VPS13B: variants seen among roughly 807,000 people sequenced by gnomAD.
VPS13B encodes vacuolar protein sorting 13 homolog B, also known as intermembrane lipid transfer protein VPS13B.
VPS13B carries 285 observed loss-of-function variants against 426.4 expected under a neutral mutation model. That is an observed-to-expected ratio of 0.67 (90% CI 0.61 to 0.74). The LOEUF (loss-of-function observed/expected upper bound fraction) is 0.74, where lower values mean the gene tolerates loss of function less well. Ranked by LOEUF, VPS13B falls within the 30% of genes least tolerant of loss-of-function variation. The probability of loss-of-function intolerance (pLI) is 0.00; values close to 1 mark genes in which losing one functional copy is unlikely to be tolerated. For missense variants in VPS13B, 4,537 were observed against 4,782.6 expected, an observed-to-expected ratio of 0.95 and a Z score of 1.51; for synonymous variants, 1,676 against 1,676.4, an observed-to-expected ratio of 1.00 and a Z score of 0.01.
chr8:99,405,063 C>T (rs1815250941), intron 21 of VPS13B, among the ~76,000 whole-genome samples: 1 of 152,082 alleles, frequency 6.6e-6, no homozygotes, highest in Non-Finnish European at 1.5e-5. Flanking sequence ...TACAAGTTGC[C>T]TTAAATCTCA....
chr8:99,533,596 G>A (rs1261610665), intron 30 of VPS13B, among the ~76,000 whole-genome samples: 2 of 152,076 alleles, frequency 1.3e-5, no homozygotes, highest in South Asian at 4.1e-4. Flanking sequence ...GAAAATTGAG[G>A]AATATAACCA....
intron 19 of VPS13B, among the ~76,000 whole-genome samples, chr8:99,302,909 A>AAAGG: frequency 6.6e-6 from 1 of 152,322 alleles, no homozygotes; most frequent in Non-Finnish European, 1.5e-5. Context: ...TAGAGTCAAA[A>AAAGG]AATCCTAAGT....
In VPS13B at chr8:99,234,889, G is replaced by C. The variant is rs1013080514; in HGVS notation, c.2516-39309G>C. The stretch of plus-strand genomic sequence containing the variant: ...AGGAGAAATAGAATGTTTGAGGAAG[G>C]GGAACAAAATGATTAACAGTATCCA... On this transcript the variant is annotated intron_variant, in intron 17 of 61. Coordinates refer to ENST00000357162, the MANE Select transcript of VPS13B (RefSeq NM_152564.5). Among the ~76,000 whole-genome samples the C allele has an allele frequency of 5.3e-5, 8 of 151,948 alleles. No individual in the cohort carries two copies. The East Asian group carries it at 1.2e-3, about 22-fold the overall frequency.
intron 39 of VPS13B, among the ~76,000 whole-genome samples, chr8:99,749,132 A>T (rs1810264577): frequency 6.6e-6 from 1 of 152,078 alleles, no homozygotes; most frequent in Non-Finnish European, 1.5e-5. Flanking sequence ...GTATATATTT[A>T]TGAGGTAAAT....
intron 17 of VPS13B, among the ~76,000 whole-genome samples, 173 bp downstream of exon 17, chr8:99,193,230 A>C (rs1813705408): frequency 6.6e-6 from 1 of 152,204 alleles, no homozygotes; most frequent in African/African-American, 2.4e-5. Flanking sequence ...TAAGCCATCC[A>C]GTTTTATTTC....
intron 39 of VPS13B, among the ~76,000 whole-genome samples, chr8:99,739,162 C>T (rs1833959403): frequency 6.6e-6 from 1 of 152,218 alleles, no homozygotes; most frequent in Non-Finnish European, 1.5e-5. Context: ...GCAAACGGCA[C>T]ACCAGGAGAT....
At chr8:99,631,458 G>A (rs1252914140) in intron 33 of VPS13B, among the ~76,000 whole-genome samples, 1 of 152,060 alleles carries the variant, frequency 6.6e-6, no homozygotes, top group Non-Finnish European at 1.5e-5. Flanking sequence ...GTACAGTCGT[G>A]AGTGTCATGC....
At chr8:99,294,895 G>A (rs761432886) in intron 19 of VPS13B, among the ~76,000 whole-genome samples, 1 of 152,078 alleles carries the variant, frequency 6.6e-6, no homozygotes, top group African/African-American at 2.4e-5. Flanking sequence ...TCTACAGATC[G>A]AAGTAAAAAT....
chr8:99,110,210 A>G (rs1200132558), intron 5 of VPS13B, among the ~76,000 whole-genome samples: 1 of 152,184 alleles, frequency 6.6e-6, no homozygotes, highest in East Asian at 1.9e-4. Context: ...ATACTCAGAA[A>G]TAGTGTTATA....
At chr8:99,278,345 A>G (rs1351973237) in intron 19 of VPS13B, among the ~76,000 whole-genome samples, 1 of 152,210 alleles carries the variant, frequency 6.6e-6, no homozygotes, top group African/African-American at 2.4e-5. Flanking sequence ...GAGGGAATGG[A>G]CAGCTTTATT....
intron 2 of VPS13B, among the ~76,000 whole-genome samples, chr8:99,015,571 T>C (rs1471396216): frequency 6.6e-6 from 1 of 151,442 alleles, no homozygotes; most frequent in Non-Finnish European, 1.5e-5. Flanking sequence ...AATAAAAAAA[T>C]GGAATGTTTC....
At chr8:99,339,543 C>T (rs1332498370) in intron 19 of VPS13B, among the ~76,000 whole-genome samples, 8 of 152,054 alleles carry the variant, frequency 5.3e-5, no homozygotes, top group Admixed American at 5.2e-4. Context: ...CCAGGCCCCA[C>T]CTCCAACACT....
chr8:99,853,318 T>A, intron 55 of VPS13B, 133 bp from the exon 56 acceptor site: 1 of 885,078 alleles, frequency 1.1e-6, no homozygotes, highest in Non-Finnish European at 1.8e-6. Context: ...GAAAGTTGAG[T>A]TCTTATTTGT....
At chr8:99,358,113 C>G (rs767946774) in intron 19 of VPS13B, among the ~76,000 whole-genome samples, 2 of 152,008 alleles carry the variant, frequency 1.3e-5, no homozygotes, top group Non-Finnish European at 2.9e-5. Context: ...GAAGCCAGAC[C>G]GCTGCTCCTC....
At chr8:99,740,119 A>G (rs894092366) in intron 39 of VPS13B, among the ~76,000 whole-genome samples, 4 of 152,228 alleles carry the variant, frequency 2.6e-5, no homozygotes, top group African/African-American at 9.6e-5. Context: ...AATGCAGAGA[A>G]GTCCTTAAAG....
intron 39 of VPS13B, among the ~76,000 whole-genome samples, chr8:99,749,653 T>C (rs949816927): frequency 6.6e-6 from 1 of 152,128 alleles, no homozygotes; most frequent in Non-Finnish European, 1.5e-5. Context: ...TGATGGACAC[T>C]TGGGTTGCTT....
At position 99,828,394 on chromosome 8, in the gene VPS13B, G is replaced by GTTTTTTTTTTTTTTTTTTTTT. The variant is rs555108452; in HGVS notation, c.9331-3955_9331-3935dup. 3.3e-3 allele frequency among the ~76,000 whole-genome samples: 57 copies of GTTTTTTTTTTTTTTTTTTTTT among 17,444 alleles called. 15 individuals carry two copies. The highest frequency in any genetic ancestry group is 5.6e-3 in the East Asian group (3 of 532). The allele number at this position is 17,444 out of a possible 152,430, so 11.4% of individuals were successfully genotyped here. On this transcript the variant is annotated intron_variant, in intron 51 of 61. Transcript: ENST00000357162. ...ATCAGAGACTAGGATTACAACCACC[G>GTTTTTTTTTTTTTTTTTTTTT]TTTTTTTTTTTTTTTTTTTTTTTTT...
chr8:99,420,483 A>G (rs191529382), intron 21 of VPS13B, among the ~76,000 whole-genome samples: 1 of 152,308 alleles, frequency 6.6e-6, no homozygotes, highest in African/African-American at 2.4e-5. Flanking sequence ...TAGATGCAAA[A>G]CAGTAATTTA....
chr8:99,528,358 A>G (rs1370984158), intron 30 of VPS13B, among the ~76,000 whole-genome samples: 2 of 152,102 alleles, frequency 1.3e-5, no homozygotes, highest in Non-Finnish European at 2.9e-5. Context: ...TATTAAATAT[A>G]CATTGATTAA....
Sources: allele counts gnomAD v4.1 joint callset (sites outside exome capture counted in the v4.1 genomes callset), GRCh38; gene constraint gnomAD v4.1.1; transcripts MANE v1.5; gene names NCBI Gene and HGNC (gene_info 2026-07-23, HGNC 2026-07-21).